The following FRY variants were observed in gnomAD, a reference collection of about 807,000 sequenced individuals.
FRY encodes the protein FRY microtubule binding protein.
A neutral mutation model predicts 348.4 loss-of-function variants in FRY; 128 were observed. The ratio of observed to expected loss-of-function variants is 0.37; its 90% CI spans 0.32 to 0.43. FRY has a LOEUF of 0.43. FRY is among the 20% of genes least tolerant of loss of function. The pLI, the probability that FRY is intolerant of heterozygous loss-of-function variation, is 1.00. For synonymous variants in FRY, 1,370 were observed against 1,374.7 expected, an observed-to-expected ratio of 1.00 and a Z score of 0.08; for missense variants, 2,736 against 3,695.2, an observed-to-expected ratio of 0.74 and a Z score of 6.73.
intron 48 of FRY, 147 bp downstream of exon 48, chr13:32,247,649 A>G: frequency 1.4e-6 from 1 of 722,150 alleles, no homozygotes; most frequent in Non-Finnish European, 2.4e-6. Context: ...TTTGCTTTTT[A>G]AAGAACCCAT....
intron 49 of FRY, 79 bp from the exon 50 acceptor site, chr13:32,251,799 T>C (rs1887097322): frequency 1.2e-6 from 1 of 855,252 alleles, no homozygotes; most frequent in South Asian, 1.3e-5. Context: ...TATTGCCCTG[T>C]ATGGCTAGTG....
rs918441634 is a variant in FRY, at chr13:32,078,940, C to T, written c.177C>T (p.Asp59=). The T allele has an allele frequency of 2.5e-6, 4 of 1,613,610 alleles. No homozygotes were observed. In the African/African-American group the frequency reaches 4.0e-5, roughly 16 times the overall value. ...TGCTACCCATCAATGTGGACCCAGA[C>T]AGTAAACCAGGAGAATATGTCCTCA... is the stretch of plus-strand genomic sequence containing the variant. ...PTMLPINVDP[D]SKPGEYVLKS... Residue 59 remains aspartate, a synonymous_variant, in exon 2 of 61, where the codon GAC becomes GAT. Transcript: ENST00000542859.
chr13:32,154,365 T>C (rs1880977191), intron 14 of FRY, among the ~76,000 whole-genome samples: 1 of 152,236 alleles, frequency 6.6e-6, no homozygotes, highest in Non-Finnish European at 1.5e-5. Flanking sequence ...GAGAAATATT[T>C]AGCAAATCCT....
At position 32,237,669 on chromosome 13, in the gene FRY, T is replaced by C. The variant is rs754255759; in HGVS notation, c.6101T>C (p.Ile2034Thr). 2 of 1,614,120 alleles carry C rather than the reference T, an allele frequency of 1.2e-6. No homozygotes were observed. Among genetic ancestry groups the C allele is most frequent in the Non-Finnish European group, 8.5e-7 (1 of 1,180,008 alleles). The change falls in exon 44 of 61, where the codon ATA (isoleucine) becomes ACA (threonine). Residue 2034 changes from isoleucine (I) to threonine (T), a missense_variant. Coordinates refer to ENST00000542859, the MANE Select transcript of FRY (RefSeq NM_023037.3). The surrounding 1 kb of genome is among the most constrained non-coding windows in gnomAD (Gnocchi z 6.3). ...GACAGTCTCACGGACCCATCCCACA[T>C]AAACCATCCCACCAACCTGCTGGCC... The part of the protein sequence containing the change: ...LKDSLTDPSH[I>T]NHPTNLLATI...
At position 32,247,391 on chromosome 13, in the gene FRY, A is replaced by G. The variant is rs1401354384; in HGVS notation, c.6897A>G (p.Leu2299=). The G allele has an allele frequency of 1.2e-6, 2 of 1,613,400 alleles. No homozygotes were observed. The highest frequency in any genetic ancestry group is 1.7e-6 in the Non-Finnish European group (2 of 1,179,450). ...TTTCTCGGTCAGCCAGCCTTGTTTT[A>G]CCTTCATACCAGCACAGTGACCTCT... ...LVVSRSASLV[L]PSYQHSDLSK... The change falls in exon 48 of 61, where the codon TTA becomes TTG. Residue 2299 remains leucine, a synonymous_variant. Coordinates refer to ENST00000542859, the MANE Select transcript of FRY (RefSeq NM_023037.3).
chr13:32,244,441 T>C (rs1043073887), intron 47 of FRY, among the ~76,000 whole-genome samples: 65 of 152,314 alleles, frequency 4.3e-4, no homozygotes, highest in African/African-American at 1.5e-3. Context: ...AGGCTGAGTA[T>C]TGAAAGCACA....
intron 58 of FRY, among the ~76,000 whole-genome samples, chr13:32,283,528 A>G (rs1888914222): frequency 6.6e-6 from 1 of 152,254 alleles, no homozygotes; most frequent in Non-Finnish European, 1.5e-5. Flanking sequence ...GCGTCTCTGC[A>G]TATGCAAGCA....
intron 1 of FRY, among the ~76,000 whole-genome samples, chr13:32,062,995 G>A (rs1243504219): frequency 6.6e-6 from 1 of 151,844 alleles, no homozygotes; most frequent in Non-Finnish European, 1.5e-5. Context: ...ATACTATAAT[G>A]TATATTGTAC....
intron 35 of FRY, among the ~76,000 whole-genome samples, chr13:32,212,809 G>C (rs798985): frequency 0.41 from 61,812 of 151,952 alleles, 12,772 homozygotes; most frequent in Admixed American, 0.43. Context: ...TTTGCTTTGT[G>C]CTGTCTTGGT....
chr13:32,250,352 A>G (rs1473865113), intron 49 of FRY, among the ~76,000 whole-genome samples: 1 of 152,216 alleles, frequency 6.6e-6, no homozygotes. Context: ...TCTTGGCTTC[A>G]AGCACAGTTG....
intron 19 of FRY, among the ~76,000 whole-genome samples, chr13:32,174,921 T>C (rs1244247037): frequency 6.6e-6 from 1 of 152,160 alleles, no homozygotes; most frequent in Admixed American, 6.5e-5. Flanking sequence ...TATAAATGAA[T>C]GGATGAATTA....
chr13:32,041,778 G>T (rs1302202483), intron 1 of FRY, among the ~76,000 whole-genome samples: 2 of 152,158 alleles, frequency 1.3e-5, no homozygotes, highest in Admixed American at 1.3e-4. Context: ...AGATGTTTTT[G>T]TGTCTTGCCT....
intron 3 of FRY, among the ~76,000 whole-genome samples, chr13:32,115,791 T>C (rs1189026313): frequency 6.6e-6 from 1 of 151,954 alleles, no homozygotes; most frequent in Non-Finnish European, 1.5e-5. Context: ...CCAGCCTCCT[T>C]CTCCCTCTAG....
At chr13:32,119,050 T>G (rs1355523050) in intron 4 of FRY, among the ~76,000 whole-genome samples, 1 of 152,188 alleles carries the variant, frequency 6.6e-6, no homozygotes, top group Non-Finnish European at 1.5e-5. Flanking sequence ...GTTTTTAAAA[T>G]TGTGTTACTG....
Position 32,265,431 on chromosome 13 carries a change from T to C in FRY, c.7780-19T>C, listed in dbSNP as rs775638325. On this transcript the variant is annotated intron_variant, in intron 53 of 60. Transcript: ENST00000542859. The stretch of plus-strand genomic sequence containing the variant: ...TTTCTTACACATTGGGGGATTCTTT[T>C]GTCTTTTTATTCTTCCAGGCTGAAG... 2 of 1,613,700 alleles carry C rather than the reference T, an allele frequency of 1.2e-6. No individual in the cohort carries two copies. The highest frequency in any genetic ancestry group is 8.5e-7 in the Non-Finnish European group (1 of 1,179,690).
At chr13:32,209,212 C>A in intron 32 of FRY, 103 bp downstream of exon 32, 1 of 1,289,042 alleles carries the variant, frequency 7.8e-7, no homozygotes, top group Non-Finnish European at 1.1e-6. Context: ...TTAAAAATCA[C>A]ATGACTGGGG....
chr13:32,184,471 T>A (rs773573228), intron 24 of FRY, 129 bp from the exon 25 acceptor site: 1 of 685,968 alleles, frequency 1.5e-6, no homozygotes, highest in Admixed American at 2.2e-5. Flanking sequence ...GAAAGAAAAA[T>A]GTATGCTGAC....
chr13:32,148,013 T>C (rs1880561809), intron 13 of FRY, 66 bp downstream of exon 13: 1 of 896,604 alleles, frequency 1.1e-6, no homozygotes, highest in South Asian at 1.3e-5. Flanking sequence ...CTCCTTCTTA[T>C]GAAGTACTAA....
chr13:32,256,068 A>G (rs1376460649), intron 51 of FRY, among the ~76,000 whole-genome samples: 1 of 152,260 alleles, frequency 6.6e-6, no homozygotes, highest in Non-Finnish European at 1.5e-5. Flanking sequence ...TATCAAAATA[A>G]AGGAAGGAAA....
Sources: gnomAD v4.1 joint callset for allele counts (sites outside exome capture counted in the v4.1 genomes callset) on GRCh38, gnomAD v4.1.1 for gene constraint, Gnocchi (gnomAD v3.1) non-coding constraint, MANE v1.5 for transcripts, NCBI Gene and HGNC (gene_info 2026-07-23, HGNC 2026-07-21) for gene names.